CHD9: variants seen among roughly 807,000 people sequenced by gnomAD.
CHD9 encodes chromodomain helicase DNA binding protein 9.
A neutral mutation model predicts 316.1 loss-of-function variants in CHD9; 77 were observed. That is an observed-to-expected ratio of 0.24 (90% CI 0.20 to 0.29). The LOEUF (loss-of-function observed/expected upper bound fraction) is 0.29, where lower values mean the gene tolerates loss of function less well. Ranked by LOEUF, CHD9 falls within the 10% of genes least tolerant of loss-of-function variation. CHD9 has a pLI of 1.00. For missense variants in CHD9, 2,763 were observed against 3,438.1 expected, an observed-to-expected ratio of 0.80 and a Z score of 4.91; for synonymous variants, 1,129 against 1,158.3, an observed-to-expected ratio of 0.97 and a Z score of 0.51.
At chr16:53,093,629 C>A (rs559493958) in intron 1 of CHD9, among the ~76,000 whole-genome samples, 1 of 152,336 alleles carries the variant, frequency 6.6e-6, no homozygotes, top group Admixed American at 6.5e-5. Flanking sequence ...TAAGCACTTT[C>A]TTCCCCATTG....
chr16:53,304,309 C>T lies in CHD9; in HGVS notation c.6303C>T (p.Asp2101=), dbSNP rs1387860106. Residue 2101 remains aspartate, a synonymous_variant, in exon 31 of 39, where the codon GAC becomes GAT. Coordinates refer to ENST00000447540, the MANE Select transcript of CHD9 (RefSeq NM_001308319.2). ...AATCTGGTGGAAAATGTGAAACAGA[C>T]AGACGCATGGTTGCAGCCAGAACAG... ...DQKSGGKCET[D]RRMVAARTEP... is the part of the protein sequence containing the mutation. 1 of 1,612,098 alleles carries T rather than the reference C, an allele frequency of 6.2e-7. No homozygotes were observed. Among genetic ancestry groups the T allele is most frequent in the Admixed American group, 1.7e-5 (1 of 59,976 alleles).
chr16:53,204,403 C>T (rs957540893), intron 2 of CHD9, among the ~76,000 whole-genome samples: 2 of 152,134 alleles, frequency 1.3e-5, no homozygotes, highest in Admixed American at 1.3e-4. Flanking sequence ...ATTTTAAAAC[C>T]TCTAATTTCT....
chr16:53,170,167 T>C (rs1220993778), intron 2 of CHD9, among the ~76,000 whole-genome samples: 3 of 152,046 alleles, frequency 2.0e-5, no homozygotes, highest in Non-Finnish European at 4.4e-5. Context: ...TTTCTCAGTA[T>C]AGGTATCTTT....
At chr16:53,300,102 C>T (rs1269288096) in intron 30 of CHD9, among the ~76,000 whole-genome samples, 1 of 152,184 alleles carries the variant, frequency 6.6e-6, no homozygotes, top group Non-Finnish European at 1.5e-5. Context: ...GCCTGTAATC[C>T]CAACACTTTG....
At position 53,286,302 on chromosome 16, in the gene CHD9, A is replaced by C; in HGVS notation, c.5148A>C (p.Lys1716Asn). ...AAAGAGTGGGAAAACCTGATGAGAA[A>C]GCAGTTGCTGCTGAACAGAGAGCGA... ...FLERVGKPDE[K>N]AVAAEQRAND... Residue 1716 changes from lysine to asparagine, a missense_variant, in exon 26 of 39, where the codon AAA becomes AAC. Lys to Asn is a moderately conservative substitution (Grantham distance 94, BLOSUM62 0). Transcript: ENST00000447540. The C allele has an allele frequency of 6.2e-7, 1 of 1,612,880 alleles. No individual in the cohort carries two copies.
At chr16:53,170,102 T>C (rs543353008) in intron 2 of CHD9, among the ~76,000 whole-genome samples, 1 of 151,746 alleles carries the variant, frequency 6.6e-6, no homozygotes, top group African/African-American at 2.4e-5. Flanking sequence ...TGATAGCTAT[T>C]GGATCACATT....
Position 53,235,181 on chromosome 16 carries a change from A to G in CHD9, c.2512-4A>G. 6.4e-7 allele frequency: 1 copy of G among 1,551,996 alleles called. No individual in the cohort carries two copies. Among genetic ancestry groups the G allele is most frequent in the African/African-American group, 1.4e-5 (1 of 73,294 alleles). On this transcript the variant is annotated splice_polypyrimidine_tract_variant and splice_region_variant and intron_variant, in intron 10 of 38. Coordinates refer to ENST00000447540, the MANE Select transcript of CHD9 (RefSeq NM_001308319.2). Reference sequence around the variant, plus strand: ...CACCATTCATTCTTTGTTTTTCCACAAAGGACCGTCCTCCTTCTAATATTT... The same window carrying G: ...CACCATTCATTCTTTGTTTTTCCACGAAGGACCGTCCTCCTTCTAATATTT...
At chr16:53,082,208 ATTTAT>A (rs898956882) in intron 1 of CHD9, among the ~76,000 whole-genome samples, 4 of 93,356 alleles carry the variant, frequency 4.3e-5, no homozygotes, top group African/African-American at 1.4e-4. Flanking sequence ...CATTTTATTT[ATTTAT>A]TTATTTATTT....
chr16:53,060,321 G>A (rs1280984015), intron 1 of CHD9, among the ~76,000 whole-genome samples: 1 of 151,924 alleles, frequency 6.6e-6, no homozygotes, highest in East Asian at 1.9e-4. Flanking sequence ...GGATCAGAAG[G>A]ATACTAGGTA....
chr16:53,290,485 CAA>C (rs61676694), intron 27 of CHD9, among the ~76,000 whole-genome samples: 36 of 146,324 alleles, frequency 2.5e-4, no homozygotes, highest in African/African-American at 2.0e-4. Flanking sequence ...TTAGAGCAGG[CAA>C]AAAAAAAAAA....
intron 2 of CHD9, among the ~76,000 whole-genome samples, chr16:53,180,857 A>G (rs576312422): frequency 6.7e-6 from 1 of 150,288 alleles, no homozygotes; most frequent in East Asian, 2.0e-4. Context: ...TTGTATTTTT[A>G]ATGGAGACGG....
chr16:53,098,658 G>C (rs139995029), intron 1 of CHD9, among the ~76,000 whole-genome samples: 1 of 152,028 alleles, frequency 6.6e-6, no homozygotes, highest in East Asian at 1.9e-4. Context: ...CTCAATCAAC[G>C]CGAGGCAGGA....
intron 2 of CHD9, among the ~76,000 whole-genome samples, chr16:53,196,764 T>A (rs2044957648): frequency 6.6e-6 from 1 of 152,188 alleles, no homozygotes; most frequent in African/African-American, 2.4e-5. Context: ...CAATCTAGGA[T>A]TGCACTTTTC....
intron 2 of CHD9, among the ~76,000 whole-genome samples, chr16:53,172,416 G>A (rs954554649): frequency 3.3e-5 from 5 of 152,010 alleles, no homozygotes; most frequent in African/African-American, 9.7e-5. Flanking sequence ...ACTATAATTT[G>A]TTCGTTCACC....
At chr16:53,079,669 C>T (rs1193555907) in intron 1 of CHD9, among the ~76,000 whole-genome samples, 1 of 152,172 alleles carries the variant, frequency 6.6e-6, no homozygotes, top group Non-Finnish European at 1.5e-5. Flanking sequence ...CTGGAACTTT[C>T]AGTACCACCT....
intron 17 of CHD9, 120 bp downstream of exon 17, chr16:53,250,186 A>G: frequency 1.5e-6 from 1 of 658,420 alleles, no homozygotes; most frequent in South Asian, 2.1e-5. Flanking sequence ...TTCTCTATGA[A>G]ATATCTGTGC....
chr16:53,086,977 G>T (rs2035517557), intron 1 of CHD9, among the ~76,000 whole-genome samples: 1 of 152,068 alleles, frequency 6.6e-6, no homozygotes, highest in Non-Finnish European at 1.5e-5. Context: ...CTTCCAGGGG[G>T]CCACACCTCC....
chr16:53,180,233 C>T (rs1468710666), intron 2 of CHD9, among the ~76,000 whole-genome samples: 3 of 152,158 alleles, frequency 2.0e-5, no homozygotes, highest in East Asian at 3.9e-4. Context: ...CCTCGAACTG[C>T]TGACCTCAGG....
intron 19 of CHD9, 38 bp downstream of exon 19, chr16:53,255,817 G>A: frequency 6.4e-7 from 1 of 1,564,564 alleles, no homozygotes; most frequent in Non-Finnish European, 8.8e-7. Flanking sequence ...TAGCAGTGAT[G>A]TTCACATCCT....
Sources: gnomAD v4.1 joint callset for allele counts (sites outside exome capture counted in the v4.1 genomes callset) on GRCh38, gnomAD v4.1.1 for gene constraint, MANE v1.5 for transcripts, NCBI Gene and HGNC (gene_info 2026-07-23, HGNC 2026-07-21) for gene names.